ASPRV1: variants seen among roughly 807,000 people sequenced by gnomAD.
ASPRV1 encodes retroviral-like aspartic protease 1.
ASPRV1 carries 7 observed loss-of-function variants against 11.0 expected under a neutral mutation model. That is an observed-to-expected ratio of 0.64 (90% CI 0.36 to 1.20). The LOEUF is 1.20. Ranked by LOEUF, ASPRV1 falls within the 50% of genes most tolerant of loss-of-function variation. ASPRV1 has a pLI of 0.02. For synonymous variants in ASPRV1, 136 were observed against 138.4 expected (o/e 0.98, Z 0.12); for missense variants, 299 against 320.0 (o/e 0.93, Z 0.50).
the ASPRV1 span, among the ~76,000 whole-genome samples, chr2:69,995,856 T>C: frequency 3.9e-5 from 6 of 152,104 alleles, no homozygotes; most frequent in Non-Finnish European, 8.8e-5. Context: ...GAAAGCCCAT[T>C]TGGTTTCGAT....
At chr2:70,004,307 G>A in the ASPRV1 span, among the ~76,000 whole-genome samples, 3 of 151,986 alleles carry the variant, frequency 2.0e-5, no homozygotes, top group Admixed American at 6.6e-5. Context: ...CGAGGCGGGC[G>A]GATGACGAGG....
chr2:69,938,300 G>T, the ASPRV1 span: 16 of 1,612,228 alleles, frequency 9.9e-6, no homozygotes, highest in African/African-American at 6.7e-5. Context: ...TGGGCACTGC[G>T]GCTGTCTCCT....
chr2:69,993,557 A>T, the ASPRV1 span: 1 of 152,226 alleles, frequency 6.6e-6, no homozygotes, highest in Non-Finnish European at 1.5e-5. Flanking sequence ...CGGCTGGCCC[A>T]AGTCAGAGCC....
rs1234392978 is a variant in ASPRV1, at chr2:69,960,738, C to A, written c.699G>T (p.Gly233=). 6 of 1,614,010 alleles carry A rather than the reference C, an allele frequency of 3.7e-6. No homozygotes were observed. In the African/African-American group the frequency reaches 8.0e-5, roughly 22 times the overall value. The change falls in exon 1 of 1, where the codon GGG becomes GGT. Residue 233 remains glycine (G), a synonymous_variant. Coordinates refer to ENST00000320256, the MANE Select transcript of ASPRV1 (RefSeq NM_152792.4). ...CCAGGTCAAACTCATCTTCCAGGGA[C>A]CCTCCCACAGGCAGAAGGCGAAACT... ...GKKFRLLPVG[G]SLEDEFDLEL... is the part of the protein sequence containing the mutation.
chr2:70,065,976 G>C, the ASPRV1 span, among the ~76,000 whole-genome samples: 3 of 152,098 alleles, frequency 2.0e-5, no homozygotes, highest in Non-Finnish European at 2.9e-5. Context: ...AGGAGGCTGA[G>C]GTGGGAAGAT....
the ASPRV1 span, among the ~76,000 whole-genome samples, chr2:70,020,741 T>C: frequency 5.9e-5 from 9 of 151,906 alleles, no homozygotes; most frequent in Non-Finnish European, 1.2e-4. Flanking sequence ...AAAAAGACAT[T>C]GTGCAGAGTG....
At chr2:70,037,480 C>A in the ASPRV1 span, among the ~76,000 whole-genome samples, 3 of 152,286 alleles carry the variant, frequency 2.0e-5, no homozygotes, top group Non-Finnish European at 4.4e-5. Context: ...GTGTGCACCA[C>A]CACTCCTGGC....
chr2:70,080,618 G>A, the ASPRV1 span, among the ~76,000 whole-genome samples: 7 of 152,096 alleles, frequency 4.6e-5, no homozygotes, highest in African/African-American at 1.7e-4. Context: ...AGAATCTCTG[G>A]ACAGGAAGTA....
chr2:70,081,066 A>G, the ASPRV1 span: 1 of 152,240 alleles, frequency 6.6e-6, no homozygotes, highest in Non-Finnish European at 1.5e-5. Flanking sequence ...CACCACACCC[A>G]GCTATACCAA....
chr2:69,984,609 GCT>G, the ASPRV1 span, among the ~76,000 whole-genome samples: 3 of 106,176 alleles, frequency 2.8e-5, no homozygotes, highest in Admixed American at 3.4e-4. Flanking sequence ...TTCAGGTCCA[GCT>G]TTTTTTTTTT....
chr2:70,065,827 A>G, the ASPRV1 span, among the ~76,000 whole-genome samples: 1 of 135,278 alleles, frequency 7.4e-6, no homozygotes, highest in Admixed American at 9.8e-5. Flanking sequence ...CTCAAAAAAA[A>G]AAAAAAAAAA....
the ASPRV1 span, chr2:70,049,982 C>G: frequency 6.6e-6 from 1 of 152,098 alleles, no homozygotes; most frequent in Non-Finnish European, 1.5e-5. Flanking sequence ...GACAGCTACC[C>G]AAACTGAAAA....
the ASPRV1 span, among the ~76,000 whole-genome samples, chr2:69,993,214 C>T: frequency 6.6e-6 from 1 of 152,300 alleles, no homozygotes; most frequent in Non-Finnish European, 1.5e-5. Flanking sequence ...CAAGCCCACA[C>T]CTGCCTACCC....
At chr2:70,005,956 C>T in the ASPRV1 span, among the ~76,000 whole-genome samples, 1 of 152,188 alleles carries the variant, frequency 6.6e-6, no homozygotes, top group African/African-American at 2.4e-5. Context: ...GTCTGCCCTT[C>T]GATAGCCCAG....
chr2:70,048,304 A>G, the ASPRV1 span, among the ~76,000 whole-genome samples: 1 of 151,284 alleles, frequency 6.6e-6, no homozygotes, highest in Non-Finnish European at 1.5e-5. Flanking sequence ...AGTCCCAGCT[A>G]CTTGGGAGGC....
the ASPRV1 span, among the ~76,000 whole-genome samples, chr2:70,008,473 C>CCTCTGCTGCTCCGTGCCTCT: frequency 2.0e-5 from 3 of 152,044 alleles, no homozygotes; most frequent in African/African-American, 7.3e-5. Flanking sequence ...GGTCTGGCAG[C>CCTCTGCTGCTCCGTGCCTCT]AGAGGCAGCC....
the ASPRV1 span, chr2:69,939,147 C>CT: frequency 1.3e-5 from 2 of 152,348 alleles, no homozygotes; most frequent in East Asian, 3.9e-4. Context: ...CCTTTTTTCC[C>CT]CCCCCAAAAT....
the ASPRV1 span, among the ~76,000 whole-genome samples, chr2:70,025,149 A>G: frequency 6.6e-6 from 1 of 152,258 alleles, no homozygotes; most frequent in Non-Finnish European, 1.5e-5. Context: ...GACACTAGAC[A>G]GACACTAGAA....
At chr2:69,968,851 G>T in the ASPRV1 span, among the ~76,000 whole-genome samples, 1 of 152,108 alleles carries the variant, frequency 6.6e-6, no homozygotes, top group Non-Finnish European at 1.5e-5. Context: ...GCTGCTGAAC[G>T]GACTCTCCCC....
Sources: gnomAD v4.1 joint callset for allele counts (sites outside exome capture counted in the v4.1 genomes callset) on GRCh38, gnomAD v4.1.1 for gene constraint, MANE v1.5 for transcripts, NCBI Gene and HGNC (gene_info 2026-07-23, HGNC 2026-07-21) for gene names.